CHEK1: variants seen among roughly 807,000 people sequenced by gnomAD.
The protein encoded by CHEK1 is checkpoint kinase 1.
In CHEK1, 32 loss-of-function variants were observed where a neutral mutation model predicts 60.2. That is an observed-to-expected ratio of 0.53 (90% CI 0.40 to 0.71). CHEK1 has a LOEUF of 0.71. Among genes scored for constraint, CHEK1 ranks in the 30% least tolerant of loss-of-function variants. CHEK1 has a pLI of 0.00. For missense variants in CHEK1, 399 were observed against 564.6 expected, an observed-to-expected ratio of 0.71 and a Z score of 2.97; for synonymous variants, 179 against 187.2, an observed-to-expected ratio of 0.96 and a Z score of 0.36.
intron 13 of CHEK1, among the ~76,000 whole-genome samples, chr11:125,669,525 T>C (rs1301524571): frequency 7.1e-6 from 1 of 140,814 alleles, no homozygotes; most frequent in African/African-American, 2.6e-5. Context: ...TTTTTTCCTT[T>C]TTTTTTTTTT....
At chr11:125,650,285 T>G (rs1355450984) in intron 11 of CHEK1, among the ~76,000 whole-genome samples, 1 of 152,068 alleles carries the variant, frequency 6.6e-6, no homozygotes, top group East Asian at 1.9e-4. Context: ...CAGTTTTGGT[T>G]GCTGTTTTTC....
chr11:125,643,620 C>T lies in CHEK1; in HGVS notation c.815-172C>T. 9.0e-6 allele frequency: 5 copies of T among 553,816 alleles called. No individual in the cohort carries two copies. The South Asian group carries it at 1.3e-4, about 15-fold the overall frequency. 34.3% of individuals were successfully genotyped at this position (553,816 alleles called of 1,614,324 possible). A position where few individuals can be genotyped will look rare whatever the true frequency, so the allele number is the denominator to read the frequency against. On this transcript the variant is annotated intron_variant, in intron 8 of 12. Transcript: ENST00000438015. ...AGTTTTAGTAATTTTATAACTTGGC[C>T]ATATTTTTTATAAAATCATATAGGA... is the stretch of plus-strand genomic sequence containing the variant.
intron 8 of CHEK1, among the ~76,000 whole-genome samples, 185 bp downstream of exon 8, chr11:125,637,729 G>T (rs1003576230): frequency 2.0e-5 from 3 of 152,074 alleles, no homozygotes; most frequent in South Asian, 2.1e-4. Context: ...GAAAGTCAGG[G>T]TACTATAGCT....
chr11:125,637,507 C>T lies in CHEK1; in HGVS notation c.777C>T (p.Ile259=), dbSNP rs564570671. 3 of 1,608,872 alleles carry T rather than the reference C, an allele frequency of 1.9e-6. No individual in the cohort carries two copies. In the African/African-American group the frequency reaches 4.0e-5, roughly 22 times the overall value. Residue 259 remains isoleucine, a synonymous_variant, in exon 8 of 13, where the codon ATC becomes ATT. Transcript: ENST00000438015. ...CAGCAAGAATTACCATTCCAGACAT[C>T]AAAAAAGATAGATGGTACAACAAAC... The part of the protein sequence containing the change: ...NPSARITIPD[I]KKDRWYNKPL...
chr11:125,643,954 T>A, intron 9 of CHEK1, 54 bp downstream of exon 9: 1 of 1,539,802 alleles, frequency 6.5e-7, no homozygotes, highest in Non-Finnish European at 8.9e-7. Context: ...CCATGAAGAA[T>A]AATACATGTA....
In CHEK1 at chr11:125,625,523, C is replaced by A. The variant is rs1415142606; in HGVS notation, c.-510C>A. 5.8e-6 allele frequency: 3 copies of A among 515,194 alleles called. No individual in the cohort carries two copies. Among genetic ancestry groups the A allele is most frequent in the South Asian group, 6.2e-5 (2 of 32,278 alleles). 31.9% of individuals were successfully genotyped at this position (515,194 alleles called of 1,614,324 possible). A position where few individuals can be genotyped will look rare whatever the true frequency, so the allele number is the denominator to read the frequency against. On this transcript the variant is annotated 5_prime_UTR_variant, in exon 1 of 13. Coordinates refer to ENST00000438015, the MANE Select transcript of CHEK1 (RefSeq NM_001114122.3). Reference sequence around the variant, plus strand: ...CTGAGGTTTACAAAGCACTCTGCTTCACCGACTGTGATCCTCACAGTCCTG... The same window carrying A: ...CTGAGGTTTACAAAGCACTCTGCTTAACCGACTGTGATCCTCACAGTCCTG...
At chr11:125,628,668 C>T (rs1490889391) in intron 3 of CHEK1, among the ~76,000 whole-genome samples, 1 of 152,102 alleles carries the variant, frequency 6.6e-6, no homozygotes, top group African/African-American at 2.4e-5. Flanking sequence ...TGCCTGCAAT[C>T]CTAGCTACTT....
intron 11 of CHEK1, among the ~76,000 whole-genome samples, chr11:125,652,912 C>T (rs1941787524): frequency 6.6e-6 from 1 of 152,134 alleles, no homozygotes; most frequent in Non-Finnish European, 1.5e-5. Context: ...CTAGAACTTA[C>T]TCCTATCTAG....
At chr11:125,650,411 T>G (rs546573637) in intron 11 of CHEK1, among the ~76,000 whole-genome samples, 1 of 151,932 alleles carries the variant, frequency 6.6e-6, no homozygotes, top group Non-Finnish European at 1.5e-5. Flanking sequence ...CTCTTGCCAG[T>G]GTTTGTTACC....
At chr11:125,678,395 G>A (rs878912415), downstream of CHEK1, 2 of 1,416,374 alleles carry the variant, frequency 1.4e-6, no homozygotes, top group South Asian at 2.8e-5. Context: ...GAGACTCCTA[G>A]GTTTCCTATG....
At chr11:125,650,019 T>G (rs2136048114) in intron 11 of CHEK1, 1 of 152,328 alleles carries the variant, frequency 6.6e-6, no homozygotes, top group Middle Eastern at 3.4e-3. Flanking sequence ...GACCACAGTT[T>G]GACTATGGTG....
chr11:125,652,894 A>T (rs1178059864), intron 11 of CHEK1, among the ~76,000 whole-genome samples: 1 of 152,196 alleles, frequency 6.6e-6, no homozygotes, highest in Admixed American at 6.5e-5. Context: ...TAGTCATCCT[A>T]CAGTGGTCTA....
intron 13 of CHEK1, among the ~76,000 whole-genome samples, chr11:125,669,855 C>T (rs1480768674): frequency 1.3e-5 from 2 of 152,062 alleles, no homozygotes; most frequent in East Asian, 1.9e-4. Context: ...TATTTATCCT[C>T]CCTTGAGTTT....
At chr11:125,660,672 ATTC>A (rs1438555325), downstream of CHEK1, among the ~76,000 whole-genome samples, 1 of 152,094 alleles carries the variant, frequency 6.6e-6, no homozygotes, top group African/African-American at 2.4e-5. Flanking sequence ...TGCCTTAAAT[ATTC>A]TTTATCTGAT....
In CHEK1 at chr11:125,629,728, A is replaced by ATT. The variant is rs36086157; in HGVS notation, c.424+280_424+281dup. Among the ~76,000 whole-genome samples, 90 of 148,136 alleles carry ATT rather than the reference A, an allele frequency of 6.1e-4. No homozygotes were observed. The Middle Eastern group carries it at 0.01, about 17-fold the overall frequency. ...CTAGCTCACTATATGTATAAGAATAATTTTTTTTTTTTTGATACAGGCTCA... is the reference window on the plus strand; with the variant it reads ...CTAGCTCACTATATGTATAAGAATAATTTTTTTTTTTTTTTGATACAGGCTCA... On this transcript the variant is annotated intron_variant, in intron 5 of 12. Transcript: ENST00000438015.
downstream of CHEK1, among the ~76,000 whole-genome samples, chr11:125,678,978 T>TTGTATATATATATATATATATA (rs1555078664): frequency 1.1e-5 from 1 of 88,436 alleles, no homozygotes; most frequent in South Asian, 4.5e-4. Context: ...TCTAGGCATA[T>TTGTATATATATATATATATATA]TATATATATA....
intron 6 of CHEK1, 34 bp from the exon 7 acceptor site, chr11:125,635,395 C>A: frequency 3.2e-6 from 4 of 1,247,902 alleles, no homozygotes; most frequent in East Asian, 2.5e-5. Context: ...ATAATAAGAA[C>A]ATTTAAAAAA....
rs758069861 is a variant in CHEK1 at position 125,644,170 on chromosome 11, A to C, written c.1003A>C (p.Ile335Leu). 6.8e-6 allele frequency: 11 copies of C among 1,614,026 alleles called. No homozygotes were observed. Among genetic ancestry groups the C allele is most frequent in the Non-Finnish European group, 9.3e-6 (11 of 1,180,032 alleles). The change falls in exon 10 of 13, where the codon ATT becomes CTT. Residue 335 changes from isoleucine (I) to leucine (L), a missense_variant. Ile to Leu is a conservative substitution (Grantham distance 5). Transcript: ENST00000438015. ...LSLWDTSPSY[I>L]DKLVQGISFS... Reference sequence around the variant, plus strand: ...CTTATGGGATACCAGCCCCTCATACATTGATAAATTGGTACAAGGGATCAG... The same window carrying C: ...CTTATGGGATACCAGCCCCTCATACCTTGATAAATTGGTACAAGGGATCAG...
At position 125,657,113 on chromosome 11, in the gene CHEK1, TTAAAAA is replaced by T. The variant is rs1941923814; in HGVS notation, c.*1801_*1806del. The T allele has an allele frequency of 5.7e-6, 1 of 176,886 alleles. No individual in the cohort carries two copies. Among genetic ancestry groups the T allele is most frequent in the South Asian group, 2.0e-4 (1 of 5,036 alleles). 11.0% of individuals were successfully genotyped at this position (176,886 alleles called of 1,614,324 possible). On this transcript the variant is annotated 3_prime_UTR_variant, in exon 13 of 13. Transcript: ENST00000438015. ...TGTGGGAAGGTATTTACTCCTATTA[TTAAAAA>T]TAAAAATGTGTAAAATTTACTACCT... is the stretch of plus-strand genomic sequence containing the variant.
Sources: allele counts gnomAD v4.1 joint callset (sites outside exome capture counted in the v4.1 genomes callset), GRCh38; gene constraint gnomAD v4.1.1; transcripts MANE v1.5; gene names NCBI Gene and HGNC (gene_info 2026-07-23, HGNC 2026-07-21).